Variants in TG observed in about 807,000 individuals in gnomAD.
TG encodes thyroglobulin, also known as thyroid hormones.
Under a neutral mutation model 324.7 loss-of-function variants are expected in TG, and 270 were observed. That is an observed-to-expected ratio of 0.83 (90% CI 0.75 to 0.92). The LOEUF is 0.92. Ranked by LOEUF, TG falls within the 40% of genes least tolerant of loss-of-function variation. The pLI is 0.00. For missense variants in TG, 3,591 were observed against 3,456.4 expected (o/e 1.04, Z -0.98); for synonymous variants, 1,401 against 1,327.0 (o/e 1.06, Z -1.21).
chr8:132,908,150 C>T, intron 17 of TG, 36 bp from the exon 18 acceptor site: 1 of 1,611,990 alleles, frequency 6.2e-7, no homozygotes, highest in South Asian at 1.1e-5. Flanking sequence ...CTCTACAGGC[C>T]CATTGCCTCT....
At position 132,888,472 on chromosome 8, in the gene TG, C is replaced by A; in HGVS notation, c.2665C>A (p.Pro889Thr). ...GGGGTCCTACTCAGACTTCAGCACT[C>A]CTTTGGCACATTTTGATCTTCGGAA... ...YPGSYSDFST[P>T]LAHFDLRNCW... Residue 889 changes from proline to threonine, a missense_variant, in exon 10 of 48, where the codon CCT (proline) becomes ACT (threonine). Physicochemically the swap from Pro to Thr is conservative, Grantham distance 38 (BLOSUM62 -1). Transcript: ENST00000220616. 6.2e-7 allele frequency: 1 copy of A among 1,611,038 alleles called. No individual in the cohort carries two copies.
intron 20 of TG, among the ~76,000 whole-genome samples, chr8:132,914,962 G>A (rs1299694456): frequency 2.6e-5 from 4 of 152,162 alleles, no homozygotes; most frequent in African/African-American, 9.7e-5. Context: ...TGGCGTGTGT[G>A]TATGAGTGTG....
intron 41 of TG, among the ~76,000 whole-genome samples, chr8:133,093,139 C>CT (rs752795832): frequency 0.066 from 9,608 of 146,278 alleles, 1,074 homozygotes; most frequent in African/African-American, 0.23. Context: ...CTTTTCTTTT[C>CT]TTTTTTTTTT....
chr8:133,060,180 G>A lies in TG; in HGVS notation c.7239+30157G>A, dbSNP rs760844853. On this transcript the variant is annotated intron_variant, in intron 41 of 47. Coordinates refer to ENST00000220616, the MANE Select transcript of TG (RefSeq NM_003235.5). The stretch of plus-strand genomic sequence containing the variant: ...TCCCATTTCTTTCTTTTTCCCTGGG[G>A]CCGCTGGTGATGCCCAGAGCCTGTG... The A allele has an allele frequency of 6.2e-6, 10 of 1,612,510 alleles. No homozygotes were observed. Among genetic ancestry groups the A allele is most frequent in the Non-Finnish European group, 8.5e-6 (10 of 1,179,436 alleles).
At chr8:133,072,911 T>C (rs1308193909) in intron 41 of TG, 1 of 152,228 alleles carries the variant, frequency 6.6e-6, no homozygotes, top group Non-Finnish European at 1.5e-5. Flanking sequence ...GCCCCACTCA[T>C]TGCTTTAGCT....
intron 35 of TG, chr8:132,995,129 T>C (rs1309169272): frequency 2.1e-6 from 2 of 973,064 alleles, no homozygotes; most frequent in South Asian, 5.0e-5. Context: ...TGGGCAGATC[T>C]CAGTCTCTGT....
intron 20 of TG, among the ~76,000 whole-genome samples, chr8:132,916,487 T>C (rs1032865386): frequency 6.6e-6 from 1 of 152,236 alleles, no homozygotes; most frequent in Non-Finnish European, 1.5e-5. Context: ...ATCTGGGACA[T>C]GGCCTTGATG....
At position 133,019,694 on chromosome 8, in the gene TG, T is replaced by G; in HGVS notation, c.6875T>G (p.Val2292Gly). The stretch of plus-strand genomic sequence containing the variant: ...CTCAATGTGTTCATCCCTCAGAATG[T>G]GGTGAGTTCAAAAGCACTTGCTATG... ...LYLNVFIPQNVAPNASVLVFF... is the reference protein window; with the variant it reads ...LYLNVFIPQNGAPNASVLVFF... Residue 2292 changes from valine to glycine, a missense_variant and splice_region_variant, in exon 39 of 48, where the codon GTG (valine) becomes GGG (glycine). Coordinates refer to ENST00000220616, the MANE Select transcript of TG (RefSeq NM_003235.5). The G allele has an allele frequency of 6.2e-7, 1 of 1,612,452 alleles. No homozygotes were observed. The highest frequency in any genetic ancestry group is 8.5e-7 in the Non-Finnish European group (1 of 1,178,986).
chr8:132,985,390 G>C (rs1005658102), intron 35 of TG, among the ~76,000 whole-genome samples: 2 of 152,168 alleles, frequency 1.3e-5, no homozygotes, highest in African/African-American at 4.8e-5. Context: ...CCTGGAACCA[G>C]TTACCCATAG....
At chr8:132,910,135 C>T (rs1414134595) in intron 18 of TG, among the ~76,000 whole-genome samples, 1 of 152,200 alleles carries the variant, frequency 6.6e-6, no homozygotes, top group Non-Finnish European at 1.5e-5. Flanking sequence ...TTCTCACCTT[C>T]ACCAGGGGTG....
At chr8:133,075,956 G>T (rs1463694874) in intron 41 of TG, 2 of 152,128 alleles carry the variant, frequency 1.3e-5, no homozygotes, top group Non-Finnish European at 2.9e-5. Flanking sequence ...TAAAATGTAT[G>T]TTGTATATGT....
At chr8:132,995,590 T>A (rs1389938111) in intron 35 of TG, 1 of 905,228 alleles carries the variant, frequency 1.1e-6, no homozygotes, top group African/African-American at 1.8e-5. Context: ...GGATCATGCA[T>A]GTGACCCCAT....
chr8:132,959,918 A>G (rs1215805219), intron 27 of TG, among the ~76,000 whole-genome samples: 2 of 152,166 alleles, frequency 1.3e-5, no homozygotes, highest in Non-Finnish European at 2.9e-5. Context: ...CTTTAGTGAT[A>G]AGCAGAAAAG....
In TG at chr8:132,929,778, A is replaced by C. The variant is rs967597514; in HGVS notation, c.4816+586A>C. Among the ~76,000 whole-genome samples the C allele has an allele frequency of 1.3e-5, 2 of 152,338 alleles. 1 individual carries two copies. Among genetic ancestry groups the C allele is most frequent in the African/African-American group, 4.8e-5 (2 of 41,578 alleles). On this transcript the variant is annotated intron_variant, in intron 23 of 47. Coordinates refer to ENST00000220616, the MANE Select transcript of TG (RefSeq NM_003235.5). ...CACGAAAATCTCAGACTTTACCACT[A>C]TACAATTCATCCATGTAACTCAAAA...
chr8:133,092,506 G>C (rs1017146706), intron 41 of TG, among the ~76,000 whole-genome samples: 1 of 152,184 alleles, frequency 6.6e-6, no homozygotes, highest in Non-Finnish European at 1.5e-5. Context: ...GTGGGGTCCC[G>C]TGAATGTCAC....
At chr8:133,040,537 T>C (rs1838020845) in intron 41 of TG, among the ~76,000 whole-genome samples, 1 of 152,192 alleles carries the variant, frequency 6.6e-6, no homozygotes, top group African/African-American at 2.4e-5. Context: ...TTCCCGCAAA[T>C]GCCCAATCCA....
intron 35 of TG, among the ~76,000 whole-genome samples, chr8:133,008,105 A>G (rs577325298): frequency 3.9e-5 from 6 of 152,256 alleles, no homozygotes; most frequent in African/African-American, 1.4e-4. Flanking sequence ...TCAAATATTA[A>G]GTTTAATATT....
intron 16 of TG, among the ~76,000 whole-genome samples, chr8:132,905,705 A>G (rs1288908905): frequency 6.6e-6 from 1 of 152,152 alleles, no homozygotes; most frequent in Non-Finnish European, 1.5e-5. Flanking sequence ...TGTGGACTCA[A>G]CCCAGTGGGG....
At chr8:132,981,650 C>G (rs1451263630) in intron 34 of TG, among the ~76,000 whole-genome samples, 1 of 152,228 alleles carries the variant, frequency 6.6e-6, no homozygotes, top group Non-Finnish European at 1.5e-5. Context: ...TCAGCAGCAA[C>G]AGCAGCGCTG....
Sources: gnomAD v4.1 joint callset for allele counts (sites outside exome capture counted in the v4.1 genomes callset) on GRCh38, gnomAD v4.1.1 for gene constraint, MANE v1.5 for transcripts, NCBI Gene and HGNC (gene_info 2026-07-23, HGNC 2026-07-21) for gene names.